TSEN2: variants seen among roughly 807,000 people sequenced by gnomAD.
TSEN2 encodes tRNA splicing endonuclease subunit 2.
Under a neutral mutation model 59.2 loss-of-function variants are expected in TSEN2, and 54 were observed. That is an observed-to-expected ratio of 0.91 (90% CI 0.73 to 1.14). The LOEUF (loss-of-function observed/expected upper bound fraction) is 1.14. TSEN2 is among the 50% of genes most tolerant of loss of function. The pLI, the probability that TSEN2 is intolerant of heterozygous loss-of-function variation, is 0.00. For missense variants in TSEN2, 636 were observed against 576.2 expected, an observed-to-expected ratio of 1.10 and a Z score of -1.06; for synonymous variants, 195 against 198.2, an observed-to-expected ratio of 0.98 and a Z score of 0.14.
At chr3:12,537,143 T>C (rs2057690063), downstream of TSEN2, among the ~76,000 whole-genome samples, 2 of 151,730 alleles carry the variant, frequency 1.3e-5, no homozygotes, top group African/African-American at 4.8e-5. Flanking sequence ...TCCTTGAAAA[T>C]TAAGGGGTGA....
chr3:12,529,046 G>GCATCTATTCGT, intron 9 of TSEN2, 122 bp downstream of exon 9: 1 of 941,674 alleles, frequency 1.1e-6, no homozygotes, highest in Non-Finnish European at 1.7e-6. Context: ...GATACGAATA[G>GCATCTATTCGT]ATGCTATATG....
chr3:12,508,242 C>A (rs2055049441), intron 6 of TSEN2, among the ~76,000 whole-genome samples: 1 of 152,184 alleles, frequency 6.6e-6, no homozygotes, highest in Non-Finnish European at 1.5e-5. Context: ...CTGCTGCTGC[C>A]TGCTGCCTCC....
At chr3:12,493,425 C>G (rs182412400) in intron 3 of TSEN2, among the ~76,000 whole-genome samples, 1 of 152,274 alleles carries the variant, frequency 6.6e-6, no homozygotes, top group African/African-American at 2.4e-5. Flanking sequence ...CTTGCCAACA[C>G]TTGTTTAAAA....
intron 8 of TSEN2, 68 bp downstream of exon 8, chr3:12,519,265 T>C (rs2056419989): frequency 5.7e-6 from 9 of 1,585,138 alleles, no homozygotes; most frequent in Non-Finnish European, 7.8e-6. Flanking sequence ...GAATATCAAA[T>C]TGATCTTGTG....
At chr3:12,532,036 CCTGTCAT>C (rs2057492504) in intron 11 of TSEN2, among the ~76,000 whole-genome samples, 1 of 152,202 alleles carries the variant, frequency 6.6e-6, no homozygotes, top group South Asian at 2.1e-4. Context: ...CAAGGCGCCT[CCTGTCAT>C]CTTGGCTTGT....
At chr3:12,492,907 A>G (rs2053365723) in intron 3 of TSEN2, among the ~76,000 whole-genome samples, 2 of 152,202 alleles carry the variant, frequency 1.3e-5, no homozygotes, top group South Asian at 2.1e-4. Context: ...AAAATTACCT[A>G]TGCATTTACT....
In TSEN2 at chr3:12,503,497, G is replaced by A; in HGVS notation, c.544G>A (p.Gly182Ser). 1.2e-6 allele frequency: 2 copies of A among 1,614,214 alleles called. No homozygotes were observed. The highest frequency in any genetic ancestry group is 2.2e-5 in the South Asian group (2 of 91,078). Residue 182 changes from glycine (G) to serine (S), a missense_variant, in exon 5 of 12, where the codon GGT becomes AGT. Physicochemically the swap from Gly to Ser is moderately conservative, Grantham distance 56. Coordinates refer to ENST00000284995, the MANE Select transcript of TSEN2 (RefSeq NM_025265.4). The part of the protein sequence containing the change: ...VVNGDSGKSG[G>S]VGDPREPLGC... ...AAACGGGGACTCTGGAAAGTCAGGT[G>A]GTGTGGGTGATCCCCGTGAGCCATT...
At chr3:12,532,026 C>G (rs955357526) in intron 11 of TSEN2, among the ~76,000 whole-genome samples, 4 of 152,122 alleles carry the variant, frequency 2.6e-5, no homozygotes, top group Non-Finnish European at 5.9e-5. Flanking sequence ...TGTATTGAAC[C>G]AAGGCGCCTC....
At chr3:12,523,814 A>G (rs559421612) in intron 8 of TSEN2, among the ~76,000 whole-genome samples, 3 of 152,020 alleles carry the variant, frequency 2.0e-5, no homozygotes, top group African/African-American at 7.2e-5. Flanking sequence ...TGCTGGAATT[A>G]CAGGCGTGAG....
At chr3:12,508,087 T>C (rs906484436) in intron 6 of TSEN2, among the ~76,000 whole-genome samples, 3 of 152,060 alleles carry the variant, frequency 2.0e-5, no homozygotes, top group Non-Finnish European at 4.4e-5. Context: ...TGACCAGAGC[T>C]AGCATCAGTA....
chr3:12,519,606 C>T (rs928339205), intron 8 of TSEN2, among the ~76,000 whole-genome samples: 35 of 152,028 alleles, frequency 2.3e-4, no homozygotes, highest in African/African-American at 8.2e-4. Flanking sequence ...ATTAGCTGGG[C>T]GTGGTAGCGG....
intron 2 of TSEN2, 52 bp downstream of exon 2, chr3:12,490,041 A>G (rs758302463): frequency 6.5e-7 from 1 of 1,547,440 alleles, no homozygotes; most frequent in Non-Finnish European, 8.9e-7. Flanking sequence ...CTGAGCAAGC[A>G]GTCCTTTCCT....
intron 6 of TSEN2, among the ~76,000 whole-genome samples, chr3:12,506,439 A>G (rs1014428720): frequency 8.3e-4 from 127 of 152,188 alleles, no homozygotes; most frequent in African/African-American, 2.9e-3. Context: ...TACAAAAAAT[A>G]CAAAAATTAG....
intron 2 of TSEN2, 60 bp from the exon 3 acceptor site, chr3:12,492,076 C>T (rs1448284629): frequency 7.0e-7 from 1 of 1,431,128 alleles, no homozygotes; most frequent in South Asian, 1.1e-5. Flanking sequence ...GTATATTCTA[C>T]CTCAGCTAAA....
Position 12,532,690 on chromosome 3 carries a change from C to T in TSEN2, c.1367C>T (p.Ser456Leu), listed in dbSNP as rs1172331082. 2.5e-6 allele frequency: 4 copies of T among 1,614,072 alleles called. No homozygotes were observed. Among genetic ancestry groups the T allele is most frequent in the South Asian group, 1.1e-5 (1 of 91,084 alleles). ...QEVILSRWVSSRERSDQDDL is the reference protein window; with the variant it reads ...QEVILSRWVSLRERSDQDDL The stretch of plus-strand genomic sequence containing the variant: ...GTGATTCTGAGTCGATGGGTTTCTT[C>T]ACGAGAGAGGAGTGACCAAGACGAT... The change falls in exon 12 of 12, where the codon TCA becomes TTA. Residue 456 changes from serine to leucine, a missense_variant. By Grantham distance (145) the Ser-to-Leu change is moderately radical. Coordinates refer to ENST00000284995, the MANE Select transcript of TSEN2 (RefSeq NM_025265.4).
chr3:12,517,442 G>A (rs1459601791), intron 7 of TSEN2, among the ~76,000 whole-genome samples: 2 of 151,606 alleles, frequency 1.3e-5, no homozygotes, highest in African/African-American at 4.9e-5. Flanking sequence ...AGCTAGTCTG[G>A]TTAGAATAAA....
chr3:12,484,110 A>G (rs546691908), upstream of TSEN2, among the ~76,000 whole-genome samples: 14 of 152,370 alleles, frequency 9.2e-5, no homozygotes, highest in South Asian at 2.3e-3. Flanking sequence ...AGATGAGATC[A>G]GTTTCCTCAG....
chr3:12,495,791 A>C (rs1301512026), intron 3 of TSEN2, among the ~76,000 whole-genome samples: 2 of 152,220 alleles, frequency 1.3e-5, no homozygotes, highest in African/African-American at 2.4e-5. Flanking sequence ...TAATTAGCCC[A>C]AAGGCAGAGT....
At chr3:12,496,869 C>T (rs577101402) in intron 4 of TSEN2, among the ~76,000 whole-genome samples, 20 of 152,308 alleles carry the variant, frequency 1.3e-4, no homozygotes, top group South Asian at 1.0e-3. Context: ...GCCTTCTGCC[C>T]GGTGGGCACA....
Sources: allele counts gnomAD v4.1 joint callset (sites outside exome capture counted in the v4.1 genomes callset), GRCh38; gene constraint gnomAD v4.1.1; transcripts MANE v1.5; gene names NCBI Gene and HGNC (gene_info 2026-07-23, HGNC 2026-07-21).